GRIA2: variants seen among roughly 807,000 people sequenced by gnomAD.
GRIA2 encodes glutamate receptor 2.
In GRIA2, 14 loss-of-function variants were observed where a neutral mutation model predicts 97.3. The observed-to-expected ratio is 0.14, with a 90% CI of 0.10 to 0.23. The LOEUF (loss-of-function observed/expected upper bound fraction) is 0.23. Among genes scored for constraint, GRIA2 ranks in the 10% least tolerant of loss-of-function variants. The probability of loss-of-function intolerance (pLI) is 1.00; values close to 1 mark genes in which losing one functional copy is unlikely to be tolerated. For synonymous variants in GRIA2, 412 were observed against 387.8 expected (o/e 1.06, Z -0.73); for missense variants, 558 against 1,069.8 (o/e 0.52, Z 6.67).
At position 157,306,532 on chromosome 4, in the gene GRIA2, A is replaced by G. The variant is rs1579349577; in HGVS notation, c.469+2741A>G. The stretch of plus-strand genomic sequence containing the variant: ...TAAGTAATAATATATTAAAGCCAAA[A>G]TGACCTTATGGATATATTTTCAAGG... On this transcript the variant is annotated intron_variant, in intron 3 of 15. Transcript: ENST00000264426. Among the ~76,000 whole-genome samples, 4 of 152,174 alleles carry G rather than the reference A, an allele frequency of 2.6e-5. No individual in the cohort carries two copies. The South Asian group carries it at 8.3e-4, about 31-fold the overall frequency.
chr4:157,355,817 AT>A (rs1736263568), intron 12 of GRIA2, among the ~76,000 whole-genome samples: 1 of 75,736 alleles, frequency 1.3e-5, no homozygotes. Flanking sequence ...TATATTAGTT[AT>A]ATATATTTAT....
intron 2 of GRIA2, among the ~76,000 whole-genome samples, chr4:157,294,458 A>AG (rs1553953049): frequency 6.6e-6 from 1 of 151,936 alleles, no homozygotes; most frequent in Non-Finnish European, 1.5e-5. Flanking sequence ...GAGAAAAAAA[A>AG]AGAGAGAGAG....
chr4:157,221,818 A>G lies in GRIA2; in HGVS notation c.229+11A>G, dbSNP rs1482680009. 6.2e-7 allele frequency: 1 copy of G among 1,613,120 alleles called. No individual in the cohort carries two copies. The highest frequency in any genetic ancestry group is 1.3e-5 in the African/African-American group (1 of 74,844). On this transcript the variant is annotated intron_variant, in intron 2 of 15. Transcript: ENST00000264426. ...CAGTCACTAATGCTTGTAAGTAATG[A>G]ATATTCATGCCTTTCGGGTGCTGCA...
intron 2 of GRIA2, among the ~76,000 whole-genome samples, chr4:157,284,186 T>G (rs149657425): frequency 1.3e-5 from 2 of 151,968 alleles, no homozygotes; most frequent in African/African-American, 2.4e-5. Context: ...AAGTTGAAGT[T>G]GTGTGAGAGG....
At chr4:157,299,817 G>T (rs2126857398) in intron 2 of GRIA2, among the ~76,000 whole-genome samples, 1 of 152,310 alleles carries the variant, frequency 6.6e-6, no homozygotes, top group East Asian at 1.9e-4. Context: ...ACAGAACTCA[G>T]TGAGAGCATC....
chr4:157,220,773 T>G lies in GRIA2; in HGVS notation c.-270T>G. The stretch of plus-strand genomic sequence containing the variant: ...GAGGGTGCTGAATATTCCGAGACAC[T>G]GGGACCACAGCGGCAGCTCCGCTGA... On this transcript the variant is annotated 5_prime_UTR_variant, in exon 1 of 16. Transcript: ENST00000264426. 1.9e-6 allele frequency: 1 copy of G among 522,826 alleles called. No individual in the cohort carries two copies. Among genetic ancestry groups the G allele is most frequent in the Non-Finnish European group, 3.4e-6 (1 of 289,904 alleles). 32.4% of individuals were successfully genotyped at this position (522,826 alleles called of 1,614,324 possible).
chr4:157,276,499 A>T (rs1732319571), intron 2 of GRIA2, among the ~76,000 whole-genome samples: 1 of 151,974 alleles, frequency 6.6e-6, no homozygotes, highest in South Asian at 2.1e-4. Context: ...AATAAAACTG[A>T]TGTAAGCAGG....
chr4:157,325,193 C>A (rs1034846713), intron 6 of GRIA2, among the ~76,000 whole-genome samples: 15 of 151,846 alleles, frequency 9.9e-5, no homozygotes, highest in African/African-American at 3.1e-4. Flanking sequence ...CCAAAGTTTT[C>A]AAATTAAAAT....
chr4:157,268,465 C>T (rs914492012), intron 2 of GRIA2, among the ~76,000 whole-genome samples: 2 of 151,754 alleles, frequency 1.3e-5, no homozygotes, highest in Non-Finnish European at 2.9e-5. Flanking sequence ...ATAGTACATA[C>T]CTCAAAATAT....
At position 157,361,773 on chromosome 4, in the gene GRIA2, G is replaced by A. The variant is rs1356286407; in HGVS notation, c.2406+649G>A. The A allele has an allele frequency of 1.5e-6, 1 of 656,508 alleles. No homozygotes were observed. The highest frequency in any genetic ancestry group is 2.7e-6 in the Non-Finnish European group (1 of 369,754). The allele number at this position is 656,508 out of a possible 1,614,324, so 40.7% of individuals were successfully genotyped here. A position where few individuals can be genotyped will look rare whatever the true frequency, so the allele number is the denominator to read the frequency against. ...AGAATGTAAATGCAAATATGCATGAGATGCATAATTTGGTAAGATGTTTTG... is the reference window on the plus strand; with the variant it reads ...AGAATGTAAATGCAAATATGCATGAAATGCATAATTTGGTAAGATGTTTTG... On this transcript the variant is annotated intron_variant, in intron 14 of 15. Coordinates refer to ENST00000264426, the MANE Select transcript of GRIA2 (RefSeq NM_001083619.3). This position sits in a 1 kb window ranked among gnomAD's most constrained non-coding sequence, Gnocchi z 5.2.
At chr4:157,355,794 TTA>T (rs1207556510) in intron 12 of GRIA2, among the ~76,000 whole-genome samples, 120 of 77,830 alleles carry the variant, frequency 1.5e-3, no homozygotes, top group African/African-American at 4.6e-3. Context: ...TATATATTAG[TTA>T]TATATATTTA....
chr4:157,268,721 T>C (rs1475800051), intron 2 of GRIA2, among the ~76,000 whole-genome samples: 1 of 152,020 alleles, frequency 6.6e-6, no homozygotes, highest in Non-Finnish European at 1.5e-5. Flanking sequence ...TTATTATTTA[T>C]TTAATTTAAT....
intron 2 of GRIA2, among the ~76,000 whole-genome samples, chr4:157,285,934 C>G (rs187283888): frequency 8.6e-4 from 130 of 151,446 alleles, no homozygotes; most frequent in Non-Finnish European, 1.6e-3. Flanking sequence ...AGTAACTTGG[C>G]AAATATACAC....
At chr4:157,328,292 T>G in intron 6 of GRIA2, among the ~76,000 whole-genome samples, 1 of 152,064 alleles carries the variant, frequency 6.6e-6, no homozygotes, top group Admixed American at 6.6e-5. Context: ...ATACCATGAT[T>G]ATGTGAAGTG....
At chr4:157,259,307 T>A (rs1225860591) in intron 2 of GRIA2, among the ~76,000 whole-genome samples, 2 of 152,094 alleles carry the variant, frequency 1.3e-5, no homozygotes, top group African/African-American at 4.8e-5. Flanking sequence ...ATTATGGAGC[T>A]TCAAAATATG....
At chr4:157,273,561 G>A (rs1220269642) in intron 2 of GRIA2, among the ~76,000 whole-genome samples, 1 of 152,000 alleles carries the variant, frequency 6.6e-6, no homozygotes, top group Non-Finnish European at 1.5e-5. Context: ...AGAAATACTA[G>A]AGGTCAAAAA....
intron 2 of GRIA2, among the ~76,000 whole-genome samples, chr4:157,266,673 T>G (rs1284539921): frequency 6.6e-6 from 1 of 151,966 alleles, no homozygotes; most frequent in Admixed American, 6.6e-5. Flanking sequence ...TATCTGGAGA[T>G]GTTTGGCTGC....
intron 5 of GRIA2, among the ~76,000 whole-genome samples, chr4:157,320,876 T>G (rs4458500): frequency 1 from 151,665 of 152,218 alleles, 75,556 homozygotes; most frequent in Middle Eastern, 1. Flanking sequence ...TAACACAAGA[T>G]AAATTTTTTT....
chr4:157,329,526 A>C (rs1734956418), intron 6 of GRIA2, among the ~76,000 whole-genome samples: 1 of 151,920 alleles, frequency 6.6e-6, no homozygotes, highest in African/African-American at 2.4e-5. Context: ...TTAAACTGTT[A>C]TTGCGGGATT....
Sources: allele counts gnomAD v4.1 joint callset (sites outside exome capture counted in the v4.1 genomes callset), GRCh38; gene constraint gnomAD v4.1.1; non-coding constraint Gnocchi (gnomAD v3.1); transcripts MANE v1.5; gene names NCBI Gene and HGNC (gene_info 2026-07-23, HGNC 2026-07-21).